Variants in ABCF3 observed in about 807,000 individuals in gnomAD.
ABCF3 encodes ATP binding cassette subfamily F member 3, also known as ATP-binding cassette sub-family F member 3.
Under a neutral mutation model 94.3 loss-of-function variants are expected in ABCF3, and 62 were observed. That is an observed-to-expected ratio of 0.66 (90% confidence interval 0.54 to 0.81). ABCF3 has a LOEUF of 0.81. Among genes scored for constraint, ABCF3 ranks in the 40% least tolerant of loss-of-function variants. The pLI is 0.00. For missense variants in ABCF3, 843 were observed against 925.3 expected, an observed-to-expected ratio of 0.91 and a Z score of 1.15; for synonymous variants, 355 against 361.1, an observed-to-expected ratio of 0.98 and a Z score of 0.19.
chr3:184,186,741 C>T (rs1428610701), intron 2 of ABCF3, 55 bp from the exon 3 acceptor site: 7 of 1,597,816 alleles, frequency 4.4e-6, no homozygotes, highest in Admixed American at 1.7e-5. Flanking sequence ...ATCTGATGGC[C>T]ATAGAGCTTT....
At position 184,191,020 on chromosome 3, in the gene ABCF3, C is replaced by G. The variant is rs75299103; in HGVS notation, c.1413C>G (p.Asp471Glu). Reference sequence around the variant, plus strand: ...CCAGGCCTGAGCTGAAGCCTGTGGACAAGGAATCAGAGGTCGTAATGAAGT... The same window carrying G: ...CCAGGCCTGAGCTGAAGCCTGTGGAGAAGGAATCAGAGGTCGTAATGAAGT... ...LEKLPELKPVDKESEVVMKFP... is the reference protein window; with the variant it reads ...LEKLPELKPVEKESEVVMKFP... Residue 471 changes from aspartate (D) to glutamate (E), a missense_variant, in exon 15 of 21, where the codon GAC becomes GAG. Coordinates refer to ENST00000429586, the MANE Select transcript of ABCF3 (RefSeq NM_018358.3). 78 of 1,614,158 alleles carry G rather than the reference C, an allele frequency of 4.8e-5. 1 individual carries two copies. The East Asian group carries it at 1.7e-3, about 35-fold the overall frequency.
chr3:184,192,031 C>A (rs1008431472), intron 16 of ABCF3, among the ~76,000 whole-genome samples: 1 of 152,138 alleles, frequency 6.6e-6, no homozygotes, highest in Non-Finnish European at 1.5e-5. Flanking sequence ...CAGGCCTGAG[C>A]CACCGTGCCC....
intron 3 of ABCF3, 56 bp downstream of exon 3, chr3:184,186,931 A>G: frequency 3.2e-6 from 5 of 1,547,892 alleles, no homozygotes; most frequent in South Asian, 2.3e-5. Flanking sequence ...TCCGCCCCCA[A>G]CCATCTGCTG....
chr3:184,186,399 G>T lies in ABCF3; in HGVS notation c.74-108G>T. 4 of 1,581,706 alleles carry T rather than the reference G, an allele frequency of 2.5e-6. No individual in the cohort carries two copies. In the South Asian group the frequency reaches 4.6e-5, roughly 18 times the overall value. ...CTCCTCTGCATGACCTCTTGTCCCG[G>T]GGGCTGGTTGGGTCTGGAGCCTGGA... is the stretch of plus-strand genomic sequence containing the variant. On this transcript the variant is annotated intron_variant, in intron 1 of 20. Transcript: ENST00000429586.
chr3:184,190,821 A>G (rs1156629081), intron 14 of ABCF3, 178 bp from the exon 15 acceptor site: 1 of 731,932 alleles, frequency 1.4e-6, no homozygotes, highest in Non-Finnish European at 2.2e-6. Flanking sequence ...ATAAAAAGTC[A>G]CAAAAAGCCT....
At chr3:184,188,695 A>G (rs968291903) in intron 7 of ABCF3, 66 bp from the exon 8 acceptor site, 71 of 1,516,760 alleles carry the variant, frequency 4.7e-5, no homozygotes, top group Non-Finnish European at 6.2e-5. Context: ...TTCCAACGGT[A>G]TAGGGTGCAG....
chr3:184,188,237 G>C lies in ABCF3; in HGVS notation c.666G>C (p.Met222Ile). ...NGLGKTTLLK[M>I]LATRSLRVPA... ...TGGGGAAGACAACGTTACTGAAGAT[G>C]CTGGCCACCCGGAGTCTGCGGGTTC... Residue 222 changes from methionine (M) to isoleucine (I), a missense_variant, in exon 7 of 21, where the codon ATG (methionine) becomes ATC (isoleucine). Transcript: ENST00000429586. 3 of 1,614,158 alleles carry C rather than the reference G, an allele frequency of 1.9e-6. 1 individual carries two copies. Among genetic ancestry groups the C allele is most frequent in the South Asian group, 2.2e-5 (2 of 91,082 alleles).
Position 184,192,828 on chromosome 3 carries a change from G to C in ABCF3, c.1682G>C (p.Ser561Thr). ...AGGAATCTGAAGATTGGCTATTTCA[G>C]CCAGCACCATGTGGAGCAGCTGGAC... ...AHRNLKIGYF[S>T]QHHVEQLDLN... is the part of the protein sequence containing the mutation. The change falls in exon 18 of 21, where the codon AGC becomes ACC. Residue 561 changes from serine (S) to threonine (T), a missense_variant. Transcript: ENST00000429586. 3 of 1,614,162 alleles carry C rather than the reference G, an allele frequency of 1.9e-6. No homozygotes were observed. The highest frequency in any genetic ancestry group is 2.5e-6 in the Non-Finnish European group (3 of 1,179,998).
intron 7 of ABCF3, 156 bp from the exon 8 acceptor site, chr3:184,188,605 A>G (rs1302746806): frequency 2.0e-6 from 2 of 1,005,434 alleles, no homozygotes; most frequent in South Asian, 1.7e-5. Context: ...GCCCATTTCC[A>G]TAGTGCCCAA....
At chr3:184,190,258 C>T (rs370017332) in intron 14 of ABCF3, 17 of 368,320 alleles carry the variant, frequency 4.6e-5, no homozygotes, top group African/African-American at 3.3e-4. Flanking sequence ...CATATTGTAG[C>T]GTGCGTCAGA....
In ABCF3 at chr3:184,191,036, G is replaced by C; in HGVS notation, c.1429G>C (p.Val477Leu). 6.2e-7 allele frequency: 1 copy of C among 1,614,172 alleles called. No individual in the cohort carries two copies. The highest frequency in any genetic ancestry group is 8.5e-7 in the Non-Finnish European group (1 of 1,180,036). The change falls in exon 15 of 21, where the codon GTA (valine) becomes CTA (leucine). Residue 477 changes from valine to leucine, a missense_variant. By Grantham distance (32) the Val-to-Leu change is conservative. Coordinates refer to ENST00000429586, the MANE Select transcript of ABCF3 (RefSeq NM_018358.3). ...LKPVDKESEV[V>L]MKFPDGFEKF... ...GCCTGTGGACAAGGAATCAGAGGTC[G>C]TAATGAAGTAAGTGCTGGGCCAGTG...
At chr3:184,187,809 T>C (rs1715736580) in intron 5 of ABCF3, 48 bp downstream of exon 5, 2 of 1,614,014 alleles carry the variant, frequency 1.2e-6, no homozygotes, top group African/African-American at 2.7e-5. Context: ...AGCTTTTGCC[T>C]GGACAGAAGG....
At chr3:184,187,121 A>AC in intron 3 of ABCF3, 1 of 633,740 alleles carries the variant, frequency 1.6e-6, no homozygotes, top group Non-Finnish European at 2.7e-6. Flanking sequence ...ACTTGCTTTC[A>AC]CCCCCAGTTT....
chr3:184,192,734 C>A lies in ABCF3; in HGVS notation c.1658+45C>A, dbSNP rs146488730. The A allele has an allele frequency of 3.2e-5, 51 of 1,608,460 alleles. No homozygotes were observed. The Middle Eastern group carries it at 4.9e-4, about 16-fold the overall frequency. On this transcript the variant is annotated intron_variant, in intron 17 of 20. Transcript: ENST00000429586. ...CTGCCCCCATGAGCACATTTGCAGG[C>A]ACCCATGCTGCCTGCGCTCCTTCGT...
At chr3:184,189,792 AG>A (rs765789135) in intron 13 of ABCF3, 35 bp downstream of exon 13, 2 of 1,614,004 alleles carry the variant, frequency 1.2e-6, no homozygotes, top group African/African-American at 2.7e-5. Flanking sequence ...GTCCCATCCC[AG>A]GGGTTCCAGA....
intron 1 of ABCF3, 45 bp from the exon 2 acceptor site, chr3:184,186,462 T>C (rs1715624510): frequency 2.5e-6 from 4 of 1,587,196 alleles, no homozygotes; most frequent in Non-Finnish European, 3.4e-6. Flanking sequence ...TGCTTGTGTG[T>C]CCACCCTACC....
chr3:184,192,572 C>G (rs1453324638), intron 16 of ABCF3, 29 bp from the exon 17 acceptor site: 1 of 1,587,178 alleles, frequency 6.3e-7, no homozygotes, highest in East Asian at 2.2e-5. Flanking sequence ...TTCTGGCACA[C>G]ACTGTATGAC....
At chr3:184,192,228 G>C (rs1373994459) in intron 16 of ABCF3, among the ~76,000 whole-genome samples, 2 of 152,144 alleles carry the variant, frequency 1.3e-5, no homozygotes, top group African/African-American at 2.4e-5. Flanking sequence ...AATGTGTAAT[G>C]ATCAAATCAG....
rs1443438069 is a variant in ABCF3 at position 184,186,630 on chromosome 3, A to G, written c.197A>G (p.Gln66Arg). 1 of 1,612,230 alleles carries G rather than the reference A, an allele frequency of 6.2e-7. No homozygotes were observed. Among genetic ancestry groups the G allele is most frequent in the East Asian group, 2.2e-5 (1 of 44,884 alleles). ...GACGCGGGCATCAGGGCCGTGTGCC[A>G]GCGCATGTACAACACTCTGCGTCTG... ...KDDAGIRAVC[Q>R]RMYNTLRLAE... The change falls in exon 2 of 21, where the codon CAG becomes CGG. Residue 66 changes from glutamine to arginine, a missense_variant. By Grantham distance (43) the Gln-to-Arg change is conservative. Coordinates refer to ENST00000429586, the MANE Select transcript of ABCF3 (RefSeq NM_018358.3).
Sources: allele counts gnomAD v4.1 joint callset (sites outside exome capture counted in the v4.1 genomes callset), GRCh38; gene constraint gnomAD v4.1.1; transcripts MANE v1.5; gene names NCBI Gene and HGNC (gene_info 2026-07-23, HGNC 2026-07-21).